RASSF3: variants seen among roughly 807,000 people sequenced by gnomAD.
RASSF3 encodes Ras association domain family member 3.
A neutral mutation model predicts 19.9 loss-of-function variants in RASSF3; 19 were observed. That is an observed-to-expected ratio of 0.96 (90% confidence interval 0.67 to 1.40). RASSF3 has a LOEUF of 1.40. Ranked by LOEUF, RASSF3 falls within the 40% of genes most tolerant of loss-of-function variation. The probability of loss-of-function intolerance (pLI) is 0.00; values close to 1 mark genes in which losing one functional copy is unlikely to be tolerated. For missense variants in RASSF3, 306 were observed against 289.8 expected (o/e 1.06, Z -0.41); for synonymous variants, 110 against 104.2 (o/e 1.06, Z -0.34).
chr12:64,562,293 G>A (rs978713778), intron 2 of RASSF3, among the ~76,000 whole-genome samples: 71 of 151,898 alleles, frequency 4.7e-4, no homozygotes, highest in Non-Finnish European at 7.9e-4. Flanking sequence ...CGCCCGCCTC[G>A]GCCTCCCAAA....
intron 1 of RASSF3, among the ~76,000 whole-genome samples, chr12:64,524,857 A>G (rs1868552849): frequency 6.6e-6 from 1 of 152,252 alleles, no homozygotes; most frequent in Non-Finnish European, 1.5e-5. Flanking sequence ...GGTGAGAACT[A>G]TGGCAAGCTG....
intron 4 of RASSF3, among the ~76,000 whole-genome samples, chr12:64,692,070 C>T (rs1868295398): frequency 6.6e-6 from 1 of 152,106 alleles, no homozygotes; most frequent in Non-Finnish European, 1.5e-5. Context: ...GCCCAGTCAA[C>T]TGATTAAGAA....
At chr12:64,572,709 G>A (rs889898611) in intron 2 of RASSF3, among the ~76,000 whole-genome samples, 14 of 152,114 alleles carry the variant, frequency 9.2e-5, no homozygotes, top group Non-Finnish European at 1.5e-4. Context: ...AGAAATCACA[G>A]AAAGTAAGTC....
chr12:64,661,843 G>A (rs1003400037), intron 1 of RASSF3, among the ~76,000 whole-genome samples: 1 of 151,444 alleles, frequency 6.6e-6, no homozygotes, highest in Non-Finnish European at 1.5e-5. Context: ...ACCACGCCTG[G>A]CTAATTTTTA....
In RASSF3 at chr12:64,560,939, A is replaced by C. The variant is rs538276167; in HGVS notation, c.294+19234A>C. Among the ~76,000 whole-genome samples, 253 of 152,316 alleles carry C rather than the reference A, an allele frequency of 1.7e-3. 1 individual carries two copies. Among genetic ancestry groups the C allele is most frequent in the African/African-American group, 5.8e-3 (240 of 41,582 alleles). On this transcript the variant is annotated intron_variant, in intron 2 of 5. Coordinates refer to the RASSF3 transcript ENST00000637125. ...CAGCCTGGTTGATGGGGCATCCTTG[A>C]GCCAAAGTCCGTCATTAAAAGAGTC...
At chr12:64,523,630 C>T (rs1868523632) in intron 1 of RASSF3, among the ~76,000 whole-genome samples, 1 of 152,088 alleles carries the variant, frequency 6.6e-6, no homozygotes, top group African/African-American at 2.4e-5. Context: ...ACCCTTTGTC[C>T]TACCCTTCCT....
chr12:64,614,784 A>G (rs938732899), intron 1 of RASSF3, among the ~76,000 whole-genome samples: 39 of 148,482 alleles, frequency 2.6e-4, no homozygotes, highest in African/African-American at 8.5e-4. Flanking sequence ...TGCAACCTCC[A>G]TCTCCCAGGA....
intron 1 of RASSF3, among the ~76,000 whole-genome samples, chr12:64,641,969 C>T (rs1391981502): frequency 2.0e-5 from 3 of 151,816 alleles, no homozygotes; most frequent in Non-Finnish European, 2.9e-5. Flanking sequence ...CTCGAACTCC[C>T]GACCTCAGGT....
intron 1 of RASSF3, among the ~76,000 whole-genome samples, chr12:64,509,313 G>GGTGGTGGGTGCCTATAATCCCA (rs1868313116): frequency 6.6e-6 from 1 of 152,044 alleles, no homozygotes; most frequent in African/African-American, 2.4e-5. Context: ...AGCCGGGTGT[G>GGTGGTGGGTGCCTATAATCCCA]GTGGTGGGTG....
At chr12:64,691,258 TAATC>T (rs750526726) in intron 3 of RASSF3, among the ~76,000 whole-genome samples, 50 of 152,244 alleles carry the variant, frequency 3.3e-4, no homozygotes, top group Admixed American at 8.5e-4. Flanking sequence ...ATTTCCTTCT[TAATC>T]AAGGCACAGT....
rs1872584864 is a variant in RASSF3, at chr12:64,668,183, C to T, written c.112-16604C>T. Among the ~76,000 whole-genome samples, 3 of 152,254 alleles carry T rather than the reference C, an allele frequency of 2.0e-5. No individual in the cohort carries two copies. The South Asian group carries it at 6.2e-4, about 32-fold the overall frequency. On this transcript the variant is annotated intron_variant, in intron 1 of 4. Transcript: ENST00000542104. Reference sequence around the variant, plus strand: ...TTGAATGACCTGAACCAGTGCTTTGCACTCAGAATCAGCAATGTAAATATC... The same window carrying T: ...TTGAATGACCTGAACCAGTGCTTTGTACTCAGAATCAGCAATGTAAATATC...
At chr12:64,646,256 G>A (rs1333499971) in intron 1 of RASSF3, among the ~76,000 whole-genome samples, 1 of 152,118 alleles carries the variant, frequency 6.6e-6, no homozygotes, top group Non-Finnish European at 1.5e-5. Flanking sequence ...GCATTGTAGA[G>A]TAGGTGTATC....
At chr12:64,575,762 C>T (rs1869584697) in intron 2 of RASSF3, 1 of 151,142 alleles carries the variant, frequency 6.6e-6, no homozygotes, top group Non-Finnish European at 1.5e-5. Context: ...AAAAAAAAAA[C>T]AGGAGTTACA....
rs10708538 is a variant in RASSF3, at chr12:64,586,491, GAAAAAAAA to G, written c.294+44803_294+44810del. ...AGCAACAGAGCAAGACTCCTTCTCA[GAAAAAAAA>G]AAAAAAAAAAAAAAAAGACTAAAAA... is the stretch of plus-strand genomic sequence containing the variant. On this transcript the variant is annotated intron_variant, in intron 2 of 5. Transcript: ENST00000637125. Among the ~76,000 whole-genome samples the G allele has an allele frequency of 3.4e-4, 24 of 70,134 alleles. No individual in the cohort carries two copies. In the South Asian group the frequency reaches 3.5e-3, roughly 10 times the overall value. 46.0% of individuals were successfully genotyped at this position (70,134 alleles called of 152,430 possible). A position where few individuals can be genotyped will look rare whatever the true frequency, so the allele number is the denominator to read the frequency against.
At chr12:64,537,897 T>C (rs1353997520) in intron 1 of RASSF3, among the ~76,000 whole-genome samples, 5 of 152,314 alleles carry the variant, frequency 3.3e-5, no homozygotes, top group African/African-American at 1.2e-4. Context: ...TTCTGAGACC[T>C]TTCCTCTTGG....
chr12:64,644,208 A>G (rs1469990701), intron 1 of RASSF3, among the ~76,000 whole-genome samples: 2 of 152,196 alleles, frequency 1.3e-5, no homozygotes, highest in African/African-American at 4.8e-5. Context: ...AGAACCAGAA[A>G]TATTCTAAAT....
At chr12:64,621,616 T>C (rs939764427) in intron 1 of RASSF3, among the ~76,000 whole-genome samples, 10 of 152,180 alleles carry the variant, frequency 6.6e-5, no homozygotes, top group Admixed American at 6.5e-5. Flanking sequence ...TAGCTGGGAT[T>C]ATGGGCATGC....
chr12:64,651,696 A>G (rs1345295089), intron 1 of RASSF3, among the ~76,000 whole-genome samples: 1 of 151,726 alleles, frequency 6.6e-6, no homozygotes, highest in Non-Finnish European at 1.5e-5. Flanking sequence ...ACATGGTCTC[A>G]CTGTTACCCA....
intron 1 of RASSF3, among the ~76,000 whole-genome samples, chr12:64,657,718 A>C (rs1872210145): frequency 6.6e-6 from 1 of 152,226 alleles, no homozygotes; most frequent in Non-Finnish European, 1.5e-5. Context: ...GCAGGATAAA[A>C]CTGTGCCCCC....
Sources: allele counts gnomAD v4.1 joint callset (sites outside exome capture counted in the v4.1 genomes callset), GRCh38; gene constraint gnomAD v4.1.1; transcripts MANE v1.5; gene names NCBI Gene and HGNC (gene_info 2026-07-23, HGNC 2026-07-21).